The following SLC4A10 variants were observed in gnomAD, a reference collection of about 807,000 sequenced individuals.
SLC4A10 encodes the protein sodium-driven chloride bicarbonate exchanger.
A neutral mutation model predicts 137.7 loss-of-function variants in SLC4A10; 42 were observed. That is an observed-to-expected ratio of 0.30 (90% CI 0.24 to 0.39). The LOEUF (loss-of-function observed/expected upper bound fraction) is 0.39, where lower values mean the gene tolerates loss of function less well. SLC4A10 is among the 10% of genes least tolerant of loss of function. SLC4A10 has a pLI of 1.00. For missense variants in SLC4A10, 925 were observed against 1,355.0 expected, an observed-to-expected ratio of 0.68 and a Z score of 4.98; for synonymous variants, 474 against 464.1, an observed-to-expected ratio of 1.02 and a Z score of -0.27.
At position 161,763,592 on chromosome 2, in the gene SLC4A10, A is replaced by G. The variant is rs578131867; in HGVS notation, c.49-7381A>G. 2.6e-5 allele frequency among the ~76,000 whole-genome samples: 4 copies of G among 152,236 alleles called. No homozygotes were observed. The East Asian group carries it at 7.7e-4, about 29-fold the overall frequency. The stretch of plus-strand genomic sequence containing the variant: ...CAGTTAATAAAAATTGGCAAGAGCT[A>G]TAGCTATAAAGGAGTCATAGGACAA... On this transcript the variant is annotated intron_variant, in intron 1 of 26. Coordinates refer to ENST00000446997, the MANE Select transcript of SLC4A10 (RefSeq NM_001178015.2).
chr2:161,759,532 T>A (rs768841631), intron 1 of SLC4A10, among the ~76,000 whole-genome samples: 1 of 152,044 alleles, frequency 6.6e-6, no homozygotes, highest in Non-Finnish European at 1.5e-5. Flanking sequence ...TCTGCTTATA[T>A]GATTTTGACT....
chr2:161,885,304 G>A (rs2062171557), intron 10 of SLC4A10, among the ~76,000 whole-genome samples: 1 of 152,122 alleles, frequency 6.6e-6, no homozygotes, highest in Admixed American at 6.6e-5. Context: ...ATAGTGCATT[G>A]GAGTGCATTA....
At chr2:161,881,773 T>A (rs954532368) in intron 9 of SLC4A10, among the ~76,000 whole-genome samples, 1 of 152,028 alleles carries the variant, frequency 6.6e-6, no homozygotes, top group Non-Finnish European at 1.5e-5. Flanking sequence ...GATGGAATAT[T>A]ATAGTGCAGA....
In SLC4A10 at chr2:161,949,399, A is replaced by G. The variant is rs1694393875; in HGVS notation, c.2379+138A>G. ...GAAGACCAGTAAATGAAATGCACAC[A>G]GCATGGCTAAAATTTAGGTCTAATA... On this transcript the variant is annotated intron_variant, in intron 18 of 26. Transcript: ENST00000446997. 6.5e-6 allele frequency: 3 copies of G among 458,284 alleles called. No homozygotes were observed. In the Admixed American group the frequency reaches 1.2e-4, roughly 19 times the overall value. 28.4% of individuals were successfully genotyped at this position (458,284 alleles called of 1,614,324 possible).
intron 5 of SLC4A10, among the ~76,000 whole-genome samples, chr2:161,859,935 A>G (rs141397988): frequency 6.8e-4 from 103 of 152,244 alleles, no homozygotes; most frequent in African/African-American, 2.4e-3. Context: ...AATAGACTGT[A>G]TTATGTAGGC....
At chr2:161,814,487 A>T (rs1322457279) in intron 3 of SLC4A10, among the ~76,000 whole-genome samples, 1 of 152,094 alleles carries the variant, frequency 6.6e-6, no homozygotes, top group Non-Finnish European at 1.5e-5. Context: ...ACTGTTAATC[A>T]CAGTGCTATT....
chr2:161,831,909 T>C (rs1443228500), intron 3 of SLC4A10, among the ~76,000 whole-genome samples: 6 of 152,212 alleles, frequency 3.9e-5, no homozygotes, highest in African/African-American at 1.4e-4. Flanking sequence ...ATGTATCCTT[T>C]ATGTTCCCAA....
intron 1 of SLC4A10, among the ~76,000 whole-genome samples, chr2:161,720,747 C>T (rs190909441): frequency 1.8e-4 from 28 of 152,174 alleles, no homozygotes; most frequent in African/African-American, 6.3e-4. Context: ...TTTCCTCCAT[C>T]CCTTTATTTT....
At chr2:161,771,636 G>A (rs143573055) in intron 2 of SLC4A10, among the ~76,000 whole-genome samples, 3 of 151,762 alleles carry the variant, frequency 2.0e-5, no homozygotes, top group Non-Finnish European at 4.4e-5. Flanking sequence ...GAACCTCAGG[G>A]TCCTGAACTA....
chr2:161,661,273 G>C (rs898660395), intron 1 of SLC4A10, among the ~76,000 whole-genome samples: 1 of 152,074 alleles, frequency 6.6e-6, no homozygotes, highest in African/African-American at 2.4e-5. Flanking sequence ...AAGAGATCGA[G>C]AGACTATCCT....
intron 1 of SLC4A10, among the ~76,000 whole-genome samples, chr2:161,757,075 A>C (rs1378573327): frequency 2.6e-5 from 4 of 152,176 alleles, no homozygotes; most frequent in Non-Finnish European, 4.4e-5. Context: ...ACATTGAGTA[A>C]GATGGACATA....
chr2:161,679,571 A>G (rs2105842904), intron 1 of SLC4A10, among the ~76,000 whole-genome samples: 1 of 152,180 alleles, frequency 6.6e-6, no homozygotes, highest in Admixed American at 6.6e-5. Flanking sequence ...AGTTACCTTT[A>G]GAGATTTTTT....
chr2:161,757,774 T>C (rs2049826102), intron 1 of SLC4A10, among the ~76,000 whole-genome samples: 1 of 152,148 alleles, frequency 6.6e-6, no homozygotes, highest in South Asian at 2.1e-4. Context: ...TAACTACAAA[T>C]TAGTTTTAGC....
chr2:161,759,396 A>G (rs552680081), intron 1 of SLC4A10, among the ~76,000 whole-genome samples: 1 of 152,130 alleles, frequency 6.6e-6, no homozygotes, highest in South Asian at 2.1e-4. Context: ...ATTATTAACT[A>G]TAGTCATCAT....
chr2:161,665,821 C>T (rs2038972876), intron 1 of SLC4A10, among the ~76,000 whole-genome samples: 1 of 150,734 alleles, frequency 6.6e-6, no homozygotes, highest in South Asian at 2.1e-4. Context: ...TAAAAGAGTC[C>T]AGAGGCCATC....
At chr2:161,778,015 T>TTA (rs1396411970) in intron 2 of SLC4A10, among the ~76,000 whole-genome samples, 1 of 151,994 alleles carries the variant, frequency 6.6e-6, no homozygotes, top group Non-Finnish European at 1.5e-5. Context: ...CAAATCATTG[T>TTA]TATATAGACA....
chr2:161,818,043 G>A (rs1385181310), intron 3 of SLC4A10, among the ~76,000 whole-genome samples: 2 of 151,958 alleles, frequency 1.3e-5, no homozygotes, highest in African/African-American at 2.4e-5. Context: ...TGATGGGGAT[G>A]GTATTGAATC....
intron 26 of SLC4A10, among the ~76,000 whole-genome samples, chr2:161,980,953 G>C (rs1157120762): frequency 1.3e-5 from 2 of 152,170 alleles, no homozygotes; most frequent in African/African-American, 4.8e-5. Flanking sequence ...AACTTAACAA[G>C]TAATTCCGAA....
At chr2:161,635,674 A>G (rs1474260105) in intron 1 of SLC4A10, among the ~76,000 whole-genome samples, 2 of 152,078 alleles carry the variant, frequency 1.3e-5, no homozygotes, top group African/African-American at 4.8e-5. Flanking sequence ...GTCTGCAGGT[A>G]ATTTGGGTGC....
Sources: gnomAD v4.1 joint callset for allele counts (sites outside exome capture counted in the v4.1 genomes callset) on GRCh38, gnomAD v4.1.1 for gene constraint, MANE v1.5 for transcripts, NCBI Gene and HGNC (gene_info 2026-07-23, HGNC 2026-07-21) for gene names.